ANKRD27: variants seen among roughly 807,000 people sequenced by gnomAD.
ANKRD27 encodes ankyrin repeat domain 27, also known as ankyrin repeat domain-containing protein 27.
A neutral mutation model predicts 129.7 loss-of-function variants in ANKRD27; 112 were observed. The observed-to-expected ratio is 0.86, with a 90% CI of 0.74 to 1.01. The LOEUF (loss-of-function observed/expected upper bound fraction) is 1.01, where lower values mean the gene tolerates loss of function less well. ANKRD27 is among the 50% of genes least tolerant of loss of function. The pLI is 0.00. For missense variants in ANKRD27, 1,258 were observed against 1,300.5 expected (o/e 0.97, Z 0.50); for synonymous variants, 516 against 511.2 (o/e 1.01, Z -0.13).
rs1971584286 is a variant in ANKRD27, at chr19:32,597,278, T to TG, written c.*866dup. On this transcript the variant is annotated 3_prime_UTR_variant, in exon 29 of 29. Transcript: ENST00000306065. ...ATAGAAATTTATAAAAAGGAATAAATGGCAATAAATTCTAACCGAAAGTAA... is the reference window on the plus strand; with the variant it reads ...ATAGAAATTTATAAAAAGGAATAAATGGGCAATAAATTCTAACCGAAAGTAA... The TG allele has an allele frequency of 6.6e-6, 1 of 152,564 alleles. No homozygotes were observed. The highest frequency in any genetic ancestry group is 6.6e-5 in the Admixed American group (1 of 15,256). 9.5% of individuals were successfully genotyped at this position (152,564 alleles called of 1,614,324 possible).
At chr19:32,674,510 G>A (rs1401442225) in intron 1 of ANKRD27, among the ~76,000 whole-genome samples, 1 of 152,142 alleles carries the variant, frequency 6.6e-6, no homozygotes, top group Non-Finnish European at 1.5e-5. Flanking sequence ...CTCAGAATCC[G>A]GAACATCTCT....
intron 12 of ANKRD27, among the ~76,000 whole-genome samples, chr19:32,631,976 T>C (rs1967001746): frequency 6.6e-6 from 1 of 152,248 alleles, no homozygotes; most frequent in Non-Finnish European, 1.5e-5. Context: ...TCTTGCTTTT[T>C]GGACGTGCCT....
intron 4 of ANKRD27, among the ~76,000 whole-genome samples, chr19:32,644,943 G>A (rs977681958): frequency 1.3e-5 from 2 of 152,114 alleles, no homozygotes; most frequent in African/African-American, 4.8e-5. Flanking sequence ...CAGGTAGGCT[G>A]TCTATGCGAA....
Position 32,643,491 on chromosome 19 carries a change from G to A in ANKRD27, c.586-7C>T. 1 of 1,613,440 alleles carries A rather than the reference G, an allele frequency of 6.2e-7. No homozygotes were observed. Among genetic ancestry groups the A allele is most frequent in the Non-Finnish European group, 8.5e-7 (1 of 1,179,944 alleles). On this transcript the variant is annotated splice_polypyrimidine_tract_variant and splice_region_variant and intron_variant, in intron 6 of 28. Transcript: ENST00000306065. ...CCTGCTTGGCGAGCATTTTCTAGAG[G>A]GCAAGAAAAGCACAGTGAAAGGGCT...
At chr19:32,606,013 A>AG in intron 23 of ANKRD27, 59 bp from the exon 24 acceptor site, 1 of 1,483,480 alleles carries the variant, frequency 6.7e-7, no homozygotes, top group Non-Finnish European at 9.0e-7. Flanking sequence ...TTCCTGCCAG[A>AG]GAAAAATTAT....
In ANKRD27 at chr19:32,626,670, A is replaced by G. The variant is rs770053002; in HGVS notation, c.1536+42T>C. ...AGTCACCACGCAGAACCAAGCTCAC[A>G]GGAGCAAAGCGACAGCCCGCCACAA... On this transcript the variant is annotated intron_variant, in intron 16 of 28. Transcript: ENST00000306065. The G allele has an allele frequency of 8.1e-6, 12 of 1,485,214 alleles. No individual in the cohort carries two copies. The South Asian group carries it at 1.5e-4, about 18-fold the overall frequency. 92.0% of individuals were successfully genotyped at this position (1,485,214 alleles called of 1,614,324 possible). A position where few individuals can be genotyped will look rare whatever the true frequency, so the allele number is the denominator to read the frequency against.
intron 18 of ANKRD27, among the ~76,000 whole-genome samples, chr19:32,620,255 T>TAA (rs202019061): frequency 2.3e-5 from 3 of 132,260 alleles, no homozygotes; most frequent in Non-Finnish European, 3.3e-5. Flanking sequence ...ACAAAATAAT[T>TAA]TAAAAAAAAA....
intron 26 of ANKRD27, among the ~76,000 whole-genome samples, chr19:32,600,857 GATA>G (rs1401313180): frequency 6.6e-6 from 1 of 151,908 alleles, no homozygotes; most frequent in African/African-American, 2.4e-5. Flanking sequence ...TACCTCACTG[GATA>G]ATATTTCATA....
chr19:32,650,446 G>C (rs1967391222), intron 2 of ANKRD27, among the ~76,000 whole-genome samples: 1 of 151,894 alleles, frequency 6.6e-6, no homozygotes, highest in African/African-American at 2.4e-5. Flanking sequence ...CAGCACTTTG[G>C]GAGGCTGAGG....
At chr19:32,621,434 C>T (rs1017495066) in intron 18 of ANKRD27, among the ~76,000 whole-genome samples, 1 of 152,130 alleles carries the variant, frequency 6.6e-6, no homozygotes, top group African/African-American at 2.4e-5. Flanking sequence ...CAAGACCAGC[C>T]TAGCCAACAT....
At chr19:32,623,875 C>T (rs1158903260) in intron 17 of ANKRD27, among the ~76,000 whole-genome samples, 2 of 152,032 alleles carry the variant, frequency 1.3e-5, no homozygotes, top group African/African-American at 4.8e-5. Flanking sequence ...GAAGCTCACC[C>T]CTGCTCTCCT....
chr19:32,598,402 C>T (rs1396554665), intron 28 of ANKRD27, 24 bp from the exon 29 acceptor site: 1 of 1,609,484 alleles, frequency 6.2e-7, no homozygotes, highest in Non-Finnish European at 8.5e-7. Flanking sequence ...ACATTTTTAA[C>T]CGTTGACGTC....
chr19:32,647,559 G>A (rs1343358331), intron 3 of ANKRD27, among the ~76,000 whole-genome samples: 1 of 152,246 alleles, frequency 6.6e-6, no homozygotes, highest in African/African-American at 2.4e-5. Flanking sequence ...GGCAGGGGCT[G>A]TGTTCAGATG....
chr19:32,671,470 G>A (rs894116561), intron 1 of ANKRD27, among the ~76,000 whole-genome samples: 17 of 152,264 alleles, frequency 1.1e-4, no homozygotes, highest in African/African-American at 4.1e-4. Flanking sequence ...GGCCAAAGCG[G>A]GTGGATCACT....
At chr19:32,631,199 G>T (rs957517070) in intron 13 of ANKRD27, among the ~76,000 whole-genome samples, 3 of 151,814 alleles carry the variant, frequency 2.0e-5, no homozygotes, top group Non-Finnish European at 4.4e-5. Context: ...TGTATTTTTA[G>T]TAGAGGCGGC....
Position 32,646,526 on chromosome 19 carries a change from G to A in ANKRD27, c.303C>T (p.Tyr101=). The change falls in exon 4 of 29, where the codon TAC becomes TAT. Residue 101 remains tyrosine, a synonymous_variant. Coordinates refer to ENST00000306065, the MANE Select transcript of ANKRD27 (RefSeq NM_032139.3). ...SVPILFEETF[Y]NEKEESFSIL... is the part of the protein sequence containing the mutation. ...TGCTGAAACTCTCTTCTTTTTCATTGTAGAAAGTTTCTTCAAAGAGAATGG... is the reference window on the plus strand; with the variant it reads ...TGCTGAAACTCTCTTCTTTTTCATTATAGAAAGTTTCTTCAAAGAGAATGG... 6.2e-7 allele frequency: 1 copy of A among 1,614,056 alleles called. No homozygotes were observed. The highest frequency in any genetic ancestry group is 8.5e-7 in the Non-Finnish European group (1 of 1,179,974).
In ANKRD27 at chr19:32,625,823, C is replaced by T. The variant is rs375710448; in HGVS notation, c.1629+51G>A. 6.0e-4 allele frequency: 835 copies of T among 1,386,880 alleles called. 2 individuals carry two copies. Among genetic ancestry groups the T allele is most frequent in the Admixed American group, 2.5e-3 (85 of 34,052 alleles). The allele number at this position is 1,386,880 out of a possible 1,614,324, so 85.9% of individuals were successfully genotyped here. A position where few individuals can be genotyped will look rare whatever the true frequency, so the allele number is the denominator to read the frequency against. On this transcript the variant is annotated intron_variant, in intron 17 of 28. Transcript: ENST00000306065. ...TTAATGAGAAATCCCGACTTCTCTACGAGTGGGAAAGGGTGAACGCAGCCC... is the reference window on the plus strand; with the variant it reads ...TTAATGAGAAATCCCGACTTCTCTATGAGTGGGAAAGGGTGAACGCAGCCC...
rs780519932 is a variant in ANKRD27, at chr19:32,628,796, G to A, written c.1263C>T (p.Asp421=). Residue 421 remains aspartate, a synonymous_variant, in exon 14 of 29, where the codon GAC becomes GAT. Coordinates refer to ENST00000306065, the MANE Select transcript of ANKRD27 (RefSeq NM_032139.3). ...KEVERLLSQE[D]HDKDTVQKMC... Reference sequence around the variant, plus strand: ...TCTTTTGGACGGTATCTTTATCATGGTCCTCTTGGCTCAGAAGTCTCTCCA... The same window carrying A: ...TCTTTTGGACGGTATCTTTATCATGATCCTCTTGGCTCAGAAGTCTCTCCA... The A allele has an allele frequency of 1.3e-5, 21 of 1,613,988 alleles. No homozygotes were observed. Among genetic ancestry groups the A allele is most frequent in the Admixed American group, 5.0e-5 (3 of 59,966 alleles).
chr19:32,638,940 C>T lies in ANKRD27; in HGVS notation c.1116+416G>A, dbSNP rs1757533074. ...GCCAGGCCAAGAGCGTGAAATGAGC[C>T]CAGCAGGCCCGAACAAAACTCAGGC... On this transcript the variant is annotated intron_variant, in intron 12 of 28. Transcript: ENST00000306065. 1.4e-5 allele frequency: 4 copies of T among 287,796 alleles called. No individual in the cohort carries two copies. The South Asian group carries it at 4.0e-4, about 29-fold the overall frequency. 17.8% of individuals were successfully genotyped at this position (287,796 alleles called of 1,614,324 possible).
Sources: allele counts gnomAD v4.1 joint callset (sites outside exome capture counted in the v4.1 genomes callset), GRCh38; gene constraint gnomAD v4.1.1; transcripts MANE v1.5; gene names NCBI Gene and HGNC (gene_info 2026-07-23, HGNC 2026-07-21).